The following TAMM41 variants were observed in gnomAD, a reference collection of about 807,000 sequenced individuals.
TAMM41 encodes the protein phosphatidate cytidylyltransferase, mitochondrial.
Under a neutral mutation model 44.1 loss-of-function variants are expected in TAMM41, and 36 were observed. That is an observed-to-expected ratio of 0.82 (90% CI 0.63 to 1.08). The LOEUF (loss-of-function observed/expected upper bound fraction) is 1.08. Among genes scored for constraint, TAMM41 ranks in the 50% least tolerant of loss-of-function variants. The probability of loss-of-function intolerance (pLI) is 0.00; values close to 1 mark genes in which losing one functional copy is unlikely to be tolerated. For synonymous variants in TAMM41, 164 were observed against 153.1 expected (o/e 1.07, Z -0.53); for missense variants, 417 against 404.3 (o/e 1.03, Z -0.27).
intron 5 of TAMM41, among the ~76,000 whole-genome samples, chr3:11,816,774 CA>C (rs1461345623): frequency 6.7e-6 from 1 of 149,484 alleles, no homozygotes. Flanking sequence ...CCTGTCCCCC[CA>C]AAAAAAGAAA....
At chr3:11,783,042 A>C in the TAMM41 span, among the ~76,000 whole-genome samples, 1 of 152,122 alleles carries the variant, frequency 6.6e-6, no homozygotes, top group African/African-American at 2.4e-5. Context: ...GGCCATGGAG[A>C]CCCTCAGCAA....
At chr3:11,815,302 G>A (rs369923593) in intron 5 of TAMM41, among the ~76,000 whole-genome samples, 1 of 152,164 alleles carries the variant, frequency 6.6e-6, no homozygotes, top group Non-Finnish European at 1.5e-5. Flanking sequence ...GGAGGAGTGC[G>A]GCTGTGCAGT....
chr3:11,845,877 G>C (rs404171), intron 1 of TAMM41, among the ~76,000 whole-genome samples: 69,641 of 152,136 alleles, frequency 0.46, 16,177 homozygotes, highest in Middle Eastern at 0.59. Flanking sequence ...CAAACAGACC[G>C]TTGTTAAAAG....
chr3:11,837,805 G>C (rs2079246650), intron 3 of TAMM41, among the ~76,000 whole-genome samples: 1 of 152,194 alleles, frequency 6.6e-6, no homozygotes, highest in African/African-American at 2.4e-5. Context: ...GAGGCACCAG[G>C]CACCTCCTCT....
chr3:11,786,346 T>C (rs1333163430), downstream of TAMM41, among the ~76,000 whole-genome samples: 1 of 150,548 alleles, frequency 6.6e-6, no homozygotes, highest in Non-Finnish European at 1.5e-5. Flanking sequence ...GCTCTGTCAC[T>C]TAGGCCGGAG....
chr3:11,737,580 A>G, the TAMM41 span, among the ~76,000 whole-genome samples: 21 of 152,132 alleles, frequency 1.4e-4, no homozygotes, highest in African/African-American at 5.1e-4. Context: ...TTGGCCTCCC[A>G]AAGTGCTGGG....
intron 3 of TAMM41, among the ~76,000 whole-genome samples, chr3:11,836,991 TC>T (rs1334978284): frequency 1.3e-5 from 2 of 152,226 alleles, no homozygotes; most frequent in Non-Finnish European, 2.9e-5. Context: ...AGTGCACACA[TC>T]TTAAGGGTAC....
chr3:11,754,926 C>T, the TAMM41 span, among the ~76,000 whole-genome samples: 3 of 152,108 alleles, frequency 2.0e-5, no homozygotes, highest in African/African-American at 7.2e-5. Flanking sequence ...TCTCGAACTC[C>T]TGACCTCAGG....
At chr3:11,750,274 T>C in the TAMM41 span, among the ~76,000 whole-genome samples, 2 of 151,838 alleles carry the variant, frequency 1.3e-5, no homozygotes, top group African/African-American at 2.4e-5. Context: ...GAGCCTACTT[T>C]AGGCTCAAGA....
chr3:11,760,704 G>C, the TAMM41 span, among the ~76,000 whole-genome samples: 9 of 152,118 alleles, frequency 5.9e-5, no homozygotes, highest in East Asian at 1.8e-3. Flanking sequence ...GGGACTATAG[G>C]GGCCCGCCAC....
At chr3:11,754,860 G>A in the TAMM41 span, among the ~76,000 whole-genome samples, 2 of 151,608 alleles carry the variant, frequency 1.3e-5, no homozygotes, top group Non-Finnish European at 2.9e-5. Flanking sequence ...CACCATGCCC[G>A]GCTAATTTTC....
At chr3:11,787,895 CAG>C (rs2077426237), downstream of TAMM41, among the ~76,000 whole-genome samples, 1 of 152,212 alleles carries the variant, frequency 6.6e-6, no homozygotes, top group Non-Finnish European at 1.5e-5. Context: ...CCACTTCCCT[CAG>C]AGAAAGTCTT....
chr3:11,769,262 G>C, the TAMM41 span, among the ~76,000 whole-genome samples: 1 of 151,746 alleles, frequency 6.6e-6, no homozygotes, highest in Admixed American at 6.6e-5. Context: ...GCTAATTTTT[G>C]TATTTTTAGT....
chr3:11,746,463 T>C, the TAMM41 span, among the ~76,000 whole-genome samples: 3 of 152,182 alleles, frequency 2.0e-5, no homozygotes, highest in Admixed American at 6.5e-5. Flanking sequence ...ATAAGTTAAA[T>C]GTCCATCAAC....
chr3:11,775,637 G>A, the TAMM41 span, among the ~76,000 whole-genome samples: 3 of 152,282 alleles, frequency 2.0e-5, no homozygotes, highest in African/African-American at 7.2e-5. Context: ...CATCTCTGTC[G>A]TCCCATTTGA....
the TAMM41 span, among the ~76,000 whole-genome samples, chr3:11,774,174 C>T: frequency 6.6e-6 from 1 of 152,182 alleles, no homozygotes; most frequent in Non-Finnish European, 1.5e-5. Flanking sequence ...AGGTGTTCTG[C>T]CACCTACAAC....
At chr3:11,799,851 T>C (rs1352965227) in intron 7 of TAMM41, among the ~76,000 whole-genome samples, 1 of 152,100 alleles carries the variant, frequency 6.6e-6, no homozygotes, top group East Asian at 1.9e-4. Flanking sequence ...GAGAAAAGCA[T>C]CTAGTCACCC....
intron 3 of TAMM41, among the ~76,000 whole-genome samples, chr3:11,832,651 T>C (rs2079026285): frequency 6.6e-6 from 1 of 152,256 alleles, no homozygotes; most frequent in South Asian, 2.1e-4. Flanking sequence ...CCAAGAGAAG[T>C]AGTGGCGAAC....
the TAMM41 span, among the ~76,000 whole-genome samples, chr3:11,724,089 A>G: frequency 1.3e-5 from 2 of 150,858 alleles, no homozygotes; most frequent in East Asian, 3.9e-4. Context: ...TTATTTTTAT[A>G]TTTTTATTTA....
Sources: gnomAD v4.1 joint callset for allele counts (sites outside exome capture counted in the v4.1 genomes callset) on GRCh38, gnomAD v4.1.1 for gene constraint, MANE v1.5 for transcripts, NCBI Gene and HGNC (gene_info 2026-07-23, HGNC 2026-07-21) for gene names.